The following PLCZ1 variants were observed in gnomAD, a reference collection of about 807,000 sequenced individuals.
PLCZ1 encodes the protein phospholipase C zeta 1.
A neutral mutation model predicts 76.8 loss-of-function variants in PLCZ1; 64 were observed. That is an observed-to-expected ratio of 0.83 (90% CI 0.68 to 1.03). PLCZ1 has a LOEUF of 1.03. Among genes scored for constraint, PLCZ1 ranks in the 50% least tolerant of loss-of-function variants. The pLI is 0.00. For synonymous variants in PLCZ1, 248 were observed against 230.8 expected, an observed-to-expected ratio of 1.07 and a Z score of -0.68; for missense variants, 751 against 713.7, an observed-to-expected ratio of 1.05 and a Z score of -0.60.
intron 8 of PLCZ1, 38 bp from the exon 9 acceptor site, chr12:18,701,606 ATCCTCCTCCTCCTCC>A (rs11279217): frequency 0.014 from 20,071 of 1,476,258 alleles, 83 homozygotes; most frequent in African/African-American, 0.036. Flanking sequence ...CTTTGAATTT[ATCCTCCTCCTCCTCC>A]TCCTCCTCCT....
the PLCZ1 span, among the ~76,000 whole-genome samples, chr12:18,670,397 T>C: frequency 6.6e-6 from 1 of 152,048 alleles, no homozygotes; most frequent in East Asian, 1.9e-4. Context: ...AACATAGATA[T>C]TGTCTAGTTC....
the PLCZ1 span, among the ~76,000 whole-genome samples, chr12:18,675,339 T>C: frequency 6.6e-6 from 1 of 152,250 alleles, no homozygotes; most frequent in African/African-American, 2.4e-5. Flanking sequence ...ATAACCATTA[T>C]AGAAGTCTAG....
intron 6 of PLCZ1, among the ~76,000 whole-genome samples, chr12:18,705,785 G>A (rs1334423573): frequency 6.6e-6 from 1 of 152,022 alleles, no homozygotes; most frequent in Non-Finnish European, 1.5e-5. Context: ...AGAATCACTT[G>A]AACCCGGGAG....
chr12:18,661,055 CA>C, the PLCZ1 span, among the ~76,000 whole-genome samples: 1 of 151,930 alleles, frequency 6.6e-6, no homozygotes, highest in African/African-American at 2.4e-5. Context: ...TATATATGAG[CA>C]GTTAGAAGAA....
rs960642507 is a variant in PLCZ1 at position 18,736,553 on chromosome 12, G to C, written c.12-209C>G. ...TAAAGGTATGAAAGGGCATAGCACAGTAAAAATACAAAAAAAAGAATTAAA... is the reference window on the plus strand; with the variant it reads ...TAAAGGTATGAAAGGGCATAGCACACTAAAAATACAAAAAAAAGAATTAAA... On this transcript the variant is annotated intron_variant, in intron 2 of 14. Transcript: ENST00000266505. 1.0e-5 allele frequency: 13 copies of C among 1,267,286 alleles called. 1 individual carries two copies. The South Asian group carries it at 1.5e-4, about 15-fold the overall frequency. The allele number at this position is 1,267,286 out of a possible 1,614,324, so 78.5% of individuals were successfully genotyped here.
chr12:18,669,274 C>G, the PLCZ1 span, among the ~76,000 whole-genome samples: 1 of 152,194 alleles, frequency 6.6e-6, no homozygotes, highest in Non-Finnish European at 1.5e-5. Flanking sequence ...AATCCATCCT[C>G]TTAACCACTG....
At chr12:18,646,569 A>G in the PLCZ1 span, among the ~76,000 whole-genome samples, 2 of 152,184 alleles carry the variant, frequency 1.3e-5, no homozygotes, top group South Asian at 4.1e-4. Context: ...AGCTAAATCC[A>G]TGCTCACAGG....
chr12:18,688,348 G>T (rs1953499236), intron 12 of PLCZ1, 130 bp from the exon 13 acceptor site: 5 of 891,940 alleles, frequency 5.6e-6, no homozygotes, highest in Non-Finnish European at 8.2e-6. Flanking sequence ...ATTGAAAGTG[G>T]AATACAATAC....
intron 3 of PLCZ1, among the ~76,000 whole-genome samples, chr12:18,724,813 C>T (rs1013565692): frequency 3.3e-5 from 5 of 151,782 alleles, no homozygotes; most frequent in East Asian, 1.9e-4. Flanking sequence ...AAAATGTGCC[C>T]GTAATCCCTG....
chr12:18,705,113 C>A, intron 7 of PLCZ1, 53 bp downstream of exon 7: 1 of 1,593,032 alleles, frequency 6.3e-7, no homozygotes, highest in Non-Finnish European at 8.6e-7. Flanking sequence ...ATAACAGTGA[C>A]ATGTTTTCAT....
chr12:18,691,531 G>A (rs1025504911), intron 12 of PLCZ1, among the ~76,000 whole-genome samples: 1 of 152,126 alleles, frequency 6.6e-6, no homozygotes, highest in African/African-American at 2.4e-5. Flanking sequence ...GGCAGAGAAA[G>A]AGGAAGCCAC....
chr12:18,698,191 A>T (rs1250554147), intron 10 of PLCZ1, among the ~76,000 whole-genome samples: 1 of 151,902 alleles, frequency 6.6e-6, no homozygotes, highest in Non-Finnish European at 1.5e-5. Context: ...TGCACGATGC[A>T]CAATTGCTTC....
the PLCZ1 span, among the ~76,000 whole-genome samples, chr12:18,666,447 A>G: frequency 6.6e-6 from 1 of 152,120 alleles, no homozygotes; most frequent in African/African-American, 2.4e-5. Flanking sequence ...AATTTTTAAA[A>G]TGGACTTCAA....
the PLCZ1 span, among the ~76,000 whole-genome samples, chr12:18,667,452 A>T: frequency 1.4e-4 from 22 of 152,284 alleles, no homozygotes; most frequent in South Asian, 2.7e-3. Flanking sequence ...ATAGTCTTTG[A>T]CAACACTAAG....
Position 18,695,004 on chromosome 12 carries a change from C to G in PLCZ1, c.1367G>C (p.Gly456Ala), listed in dbSNP as rs1336040146. 6.2e-7 allele frequency: 1 copy of G among 1,611,294 alleles called. No individual in the cohort carries two copies. Among genetic ancestry groups the G allele is most frequent in the Middle Eastern group, 1.6e-4 (1 of 6,070 alleles). The change falls in exon 12 of 15, where the codon GGA becomes GCA. Residue 456 changes from glycine (G) to alanine (A), a missense_variant. Transcript: ENST00000266505. ...TAAGAAATGTGGTTTCAAAATATAT[C>G]CAGAACCACCATTATCCAAAAATTT... ...NGKFLDNGGS[G>A]YILKPHFLRE...
At chr12:18,708,694 C>T (rs1213358693) in intron 6 of PLCZ1, among the ~76,000 whole-genome samples, 1 of 152,036 alleles carries the variant, frequency 6.6e-6, no homozygotes, top group Non-Finnish European at 1.5e-5. Context: ...TTTGATGAGA[C>T]CTTCTAACAT....
At chr12:18,703,128 T>C (rs76214415) in intron 7 of PLCZ1, among the ~76,000 whole-genome samples, 2,464 of 152,300 alleles carry the variant, frequency 0.016, 63 homozygotes, top group African/African-American at 0.056. Context: ...AGTTCCAGAA[T>C]TGGACTATGA....
At chr12:18,651,722 A>G in the PLCZ1 span, among the ~76,000 whole-genome samples, 1 of 152,156 alleles carries the variant, frequency 6.6e-6, no homozygotes, top group Non-Finnish European at 1.5e-5. Context: ...AGTCAGACTC[A>G]CCACCAATGG....
the PLCZ1 span, among the ~76,000 whole-genome samples, chr12:18,657,862 A>G: frequency 1.3e-5 from 2 of 152,194 alleles, no homozygotes; most frequent in East Asian, 1.9e-4. Flanking sequence ...AAGGAAGCTC[A>G]TCTATTGGAC....
Sources: gnomAD v4.1 joint callset for allele counts (sites outside exome capture counted in the v4.1 genomes callset) on GRCh38, gnomAD v4.1.1 for gene constraint, MANE v1.5 for transcripts, NCBI Gene and HGNC (gene_info 2026-07-23, HGNC 2026-07-21) for gene names.